SPATA31C1: variants seen among roughly 807,000 people sequenced by gnomAD.
SPATA31C1 encodes spermatogenesis-associated protein 31C1.
rs756813882 is a variant in SPATA31C1 at position 87,920,537 on chromosome 9, C to T, written n.927C>T. On this transcript the variant is annotated non_coding_transcript_exon_variant, in exon 5 of 5. Transcript: ENST00000420021. ...CCCTTCTCCTAGAACGCCCCTCACC[C>T]GAGCCACCTGCACTTTTCCCTCACC... 40 of 1,613,836 alleles carry T rather than the reference C, an allele frequency of 2.5e-5. 1 individual carries two copies. Among genetic ancestry groups the T allele is most frequent in the East Asian group, 8.9e-5 (4 of 44,858 alleles).
At chr9:87,922,592 C>G in exon 5 of SPATA31C1, 1 of 1,609,314 alleles carries the variant, frequency 6.2e-7, no homozygotes, top group South Asian at 1.1e-5. Flanking sequence ...CTGTTGTGCC[C>G]CATGCTTCAG....
exon 5 of SPATA31C1, chr9:87,921,037 C>T (rs201446302): frequency 9.3e-6 from 15 of 1,611,522 alleles, no homozygotes; most frequent in Admixed American, 3.3e-5. Context: ...TTTCTATCCC[C>T]GATGAAGAAC....
chr9:87,919,282 G>C, intron 2 of SPATA31C1: 2 of 1,590,552 alleles, frequency 1.3e-6, no homozygotes, highest in Non-Finnish European at 1.7e-6. Context: ...GCGTCATCTT[G>C]TCTCCCAGTG....
At chr9:87,919,040 G>A in intron 2 of SPATA31C1, 1 of 699,804 alleles carries the variant, frequency 1.4e-6, no homozygotes, top group Non-Finnish European at 2.3e-6. Context: ...AAAGTGCTTG[G>A]ATTATAGGCG....
At chr9:87,922,315 C>G in exon 5 of SPATA31C1, 2 of 1,611,588 alleles carry the variant, frequency 1.2e-6, no homozygotes, top group Non-Finnish European at 1.7e-6. Context: ...GCTGGAGAGA[C>G]CAGGGAGGCA....
intron 4 of SPATA31C1, 118 bp from the exon 4 acceptor site, chr9:87,920,134 A>G: frequency 6.3e-7 from 1 of 1,599,550 alleles, no homozygotes; most frequent in South Asian, 1.1e-5. Context: ...TTGGGTGGTC[A>G]GGGTGTGGCG....
chr9:87,916,950 G>T (rs1206031456), intron 1 of SPATA31C1, among the ~76,000 whole-genome samples: 2 of 66,046 alleles, frequency 3.0e-5, no homozygotes, highest in Non-Finnish European at 5.8e-5. Flanking sequence ...TGAGCCAAGA[G>T]CGTGCCACTG....
exon 5 of SPATA31C1, chr9:87,922,846 T>C: frequency 6.2e-7 from 1 of 1,606,256 alleles, no homozygotes; most frequent in Non-Finnish European, 8.5e-7. Context: ...TTTCAAGGAT[T>C]GAGGACTCCT....
At chr9:87,922,776 C>T (rs1413208875) in exon 5 of SPATA31C1, 1 of 1,606,096 alleles carries the variant, frequency 6.2e-7, no homozygotes, top group Non-Finnish European at 8.5e-7. Flanking sequence ...CCCAATGTTT[C>T]CCCCTACTCA....
chr9:87,919,029 C>G, intron 2 of SPATA31C1: 6 of 612,022 alleles, frequency 9.8e-6, no homozygotes, highest in Non-Finnish European at 1.7e-5. Context: ...CTCGGCCTCC[C>G]AAAGTGCTTG....
chr9:87,922,297 C>T (rs772964558), exon 5 of SPATA31C1: 5 of 1,612,132 alleles, frequency 3.1e-6, no homozygotes, highest in Non-Finnish European at 4.2e-6. Flanking sequence ...GGAGCCCAAT[C>T]TTCAAGGGCT....
At chr9:87,920,107 G>C (rs377506244) in intron 4 of SPATA31C1, 131 bp downstream of exon 3, 9 of 1,604,746 alleles carry the variant, frequency 5.6e-6, no homozygotes, top group African/African-American at 5.4e-5. Context: ...GCCCTGGGGC[G>C]AGGGGTAGCA....
At chr9:87,922,391 T>A (rs749151060) in exon 5 of SPATA31C1, 34 of 1,610,132 alleles carry the variant, frequency 2.1e-5, no homozygotes, top group Non-Finnish European at 2.7e-5. Context: ...CAAGTGAGGA[T>A]GTGCGTGGTT....
Position 87,921,646 on chromosome 9 carries a change from A to G in SPATA31C1, n.2036A>G, listed in dbSNP as rs1282237755. On this transcript the variant is annotated non_coding_transcript_exon_variant, in exon 5 of 5. Transcript: ENST00000420021. ...CGCACAGAGAGGAATCATATAGAAAACATCCTGAAAGCCCACATGGGCAGA... is the reference window on the plus strand; with the variant it reads ...CGCACAGAGAGGAATCATATAGAAAGCATCCTGAAAGCCCACATGGGCAGA... 1.9e-6 allele frequency: 3 copies of G among 1,611,906 alleles called. No homozygotes were observed. In the African/African-American group the frequency reaches 4.0e-5, roughly 22 times the overall value.
exon 5 of SPATA31C1, chr9:87,921,514 G>A (rs1157914801): frequency 6.2e-7 from 1 of 1,611,974 alleles, no homozygotes; most frequent in Non-Finnish European, 8.5e-7. Context: ...AATCTATCCA[G>A]GGGCATGGAA....
At chr9:87,915,742 C>G (rs1828701620) in intron 1 of SPATA31C1, among the ~76,000 whole-genome samples, 1 of 143,248 alleles carries the variant, frequency 7.0e-6, no homozygotes, top group African/African-American at 2.5e-5. Flanking sequence ...TTGTATGGAA[C>G]TATTTCTGAG....
At chr9:87,921,820 C>G in exon 5 of SPATA31C1, 2 of 1,612,072 alleles carry the variant, frequency 1.2e-6, no homozygotes, top group Admixed American at 3.3e-5. Context: ...GTAAACACAG[C>G]CCAGGTGCTT....
intron 4 of SPATA31C1, 96 bp downstream of exon 3, chr9:87,920,072 C>T: frequency 3.7e-6 from 6 of 1,608,438 alleles, no homozygotes; most frequent in Non-Finnish European, 5.1e-6. Context: ...ATGGGGAGAC[C>T]AGGGGGACAG....
exon 5 of SPATA31C1, chr9:87,920,463 A>G (rs1564139332): frequency 1.9e-6 from 3 of 1,613,914 alleles, no homozygotes; most frequent in Non-Finnish European, 1.7e-6. Context: ...ACCAGGCCCA[A>G]TGACCACCTC....
Sources: gnomAD v4.1 joint callset for allele counts (sites outside exome capture counted in the v4.1 genomes callset) on GRCh38, gnomAD v4.1.1 for gene constraint, MANE v1.5 for transcripts, NCBI Gene and HGNC (gene_info 2026-07-23, HGNC 2026-07-21) for gene names.